AGPS: variants seen among roughly 807,000 people sequenced by gnomAD.
The protein encoded by AGPS is alkylglycerone phosphate synthase.
A neutral mutation model predicts 90.7 loss-of-function variants in AGPS; 26 were observed. The ratio of observed to expected loss-of-function variants is 0.29; its 90% CI spans 0.21 to 0.40. AGPS has a LOEUF of 0.40. Ranked by LOEUF, AGPS falls within the 10% of genes least tolerant of loss-of-function variation. The probability of loss-of-function intolerance (pLI) is 1.00; values close to 1 mark genes in which losing one functional copy is unlikely to be tolerated. For synonymous variants in AGPS, 294 were observed against 285.3 expected (o/e 1.03, Z -0.31); for missense variants, 540 against 816.1 (o/e 0.66, Z 4.12).
intron 19 of AGPS, among the ~76,000 whole-genome samples, chr2:177,535,021 C>T (rs1206244217): frequency 6.6e-6 from 1 of 152,078 alleles, no homozygotes; most frequent in Non-Finnish European, 1.5e-5. Flanking sequence ...ATGCAAGGTA[C>T]TTATCTTGTT....
intron 10 of AGPS, among the ~76,000 whole-genome samples, chr2:177,474,242 A>G (rs1687711619): frequency 6.6e-6 from 1 of 152,178 alleles, no homozygotes; most frequent in Admixed American, 6.5e-5. Context: ...AGGCAACACT[A>G]TTGCTACATA....
intron 19 of AGPS, among the ~76,000 whole-genome samples, chr2:177,524,290 T>C (rs1241938764): frequency 6.6e-6 from 1 of 152,222 alleles, no homozygotes; most frequent in Non-Finnish European, 1.5e-5. Flanking sequence ...AATGCTGTTT[T>C]GTTATTACTT....
In AGPS at chr2:177,526,905, T is replaced by C. The variant is rs560660513; in HGVS notation, c.1855+3100T>C. 6.7e-4 allele frequency among the ~76,000 whole-genome samples: 102 copies of C among 152,342 alleles called. 2 individuals are homozygous for C. The South Asian group carries it at 0.02, about 30-fold the overall frequency. On this transcript the variant is annotated intron_variant, in intron 19 of 19. Coordinates refer to ENST00000264167, the MANE Select transcript of AGPS (RefSeq NM_003659.4). ...TTTAATTCTGCTTAATGCAGTGGAA[T>C]AGATATTATTCCTGTCTTTCACATG...
At chr2:177,459,817 A>G (rs1028437485) in intron 8 of AGPS, among the ~76,000 whole-genome samples, 3 of 152,240 alleles carry the variant, frequency 2.0e-5, no homozygotes, top group Non-Finnish European at 2.9e-5. Flanking sequence ...ATTACTGGGT[A>G]TATACCCAAA....
At chr2:177,471,502 A>C (rs1406604394) in intron 10 of AGPS, among the ~76,000 whole-genome samples, 1 of 152,190 alleles carries the variant, frequency 6.6e-6, no homozygotes, top group Non-Finnish European at 1.5e-5. Context: ...AGCATTTGAA[A>C]TGCTTTCCAT....
chr2:177,457,924 C>T (rs57527255), intron 8 of AGPS, among the ~76,000 whole-genome samples: 15,954 of 152,176 alleles, frequency 0.1, 1,177 homozygotes, highest in East Asian at 0.34. Context: ...AACATCGATG[C>T]GAAAATCCTT....
At chr2:177,397,018 A>G (rs1441127652) in intron 1 of AGPS, among the ~76,000 whole-genome samples, 2 of 146,586 alleles carry the variant, frequency 1.4e-5, no homozygotes, top group Non-Finnish European at 3.0e-5. Context: ...AGCTCACTGC[A>G]ACTTCCTGCC....
chr2:177,475,895 A>G (rs113271028), intron 10 of AGPS, among the ~76,000 whole-genome samples: 1 of 152,088 alleles, frequency 6.6e-6, no homozygotes, highest in African/African-American at 2.4e-5. Context: ...TGGCTGCACC[A>G]TTTTACATTC....
At chr2:177,501,462 G>C (rs1220715248) in intron 14 of AGPS, among the ~76,000 whole-genome samples, 2 of 151,820 alleles carry the variant, frequency 1.3e-5, no homozygotes. Flanking sequence ...TCTTTTTCTT[G>C]TGCATCACTG....
chr2:177,499,814 C>A, intron 14 of AGPS, 84 bp downstream of exon 14: 1 of 880,250 alleles, frequency 1.1e-6, no homozygotes, highest in Non-Finnish European at 1.9e-6. Context: ...AAGTACTAGG[C>A]ATTAATGTCT....
intron 8 of AGPS, among the ~76,000 whole-genome samples, chr2:177,455,978 A>G (rs1259794665): frequency 6.6e-6 from 1 of 152,182 alleles, no homozygotes. Context: ...AAATAAACAC[A>G]GTTATTTTTA....
At position 177,514,752 on chromosome 2, in the gene AGPS, C is replaced by A. The variant is rs115227384; in HGVS notation, c.1697+844C>A. Among the ~76,000 whole-genome samples the A allele has an allele frequency of 5.2e-3, 794 of 152,036 alleles. 8 individuals carry two copies. The highest frequency in any genetic ancestry group is 0.018 in the African/African-American group (746 of 41,456). ...TTATTGTTCCCATTGGGAAGAGATA[C>A]CCTTTAGAATTTGCTAAATTGCACT... On this transcript the variant is annotated intron_variant, in intron 17 of 19. Coordinates refer to ENST00000264167, the MANE Select transcript of AGPS (RefSeq NM_003659.4).
At chr2:177,475,604 A>T (rs1260634184) in intron 10 of AGPS, among the ~76,000 whole-genome samples, 1 of 152,174 alleles carries the variant, frequency 6.6e-6, no homozygotes, top group Non-Finnish European at 1.5e-5. Context: ...ACCACATTTT[A>T]AAGATTCAAC....
intron 2 of AGPS, 124 bp from the exon 3 acceptor site, chr2:177,434,203 T>C: frequency 1.4e-6 from 1 of 701,032 alleles, no homozygotes; most frequent in South Asian, 1.8e-5. Context: ...GTTCAGAGTT[T>C]ATAGTTACAT....
chr2:177,448,542 A>G lies in AGPS; in HGVS notation c.870+2916A>G, dbSNP rs528127673. On this transcript the variant is annotated intron_variant, in intron 8 of 19. Coordinates refer to ENST00000264167, the MANE Select transcript of AGPS (RefSeq NM_003659.4). ...TGAATTTTTAGAGGAAAAATTTGCA[A>G]TCTTGTCTCCAAAATGTGTCTGTTC... 9.2e-5 allele frequency among the ~76,000 whole-genome samples: 14 copies of G among 152,270 alleles called. No individual in the cohort carries two copies. In the South Asian group the frequency reaches 2.3e-3, roughly 25 times the overall value.
chr2:177,505,062 T>G (rs1688670146), intron 14 of AGPS, among the ~76,000 whole-genome samples: 1 of 152,050 alleles, frequency 6.6e-6, no homozygotes, highest in South Asian at 2.1e-4. Flanking sequence ...GTCTCTCATT[T>G]AAATCATAAA....
At chr2:177,490,471 T>G (rs949749461) in intron 11 of AGPS, among the ~76,000 whole-genome samples, 4 of 152,184 alleles carry the variant, frequency 2.6e-5, no homozygotes, top group African/African-American at 9.6e-5. Flanking sequence ...TTAAAATAAT[T>G]TAATATCTAA....
intron 8 of AGPS, among the ~76,000 whole-genome samples, chr2:177,460,332 GTAAGAGGTACC>G (rs747667281): frequency 1.6e-4 from 24 of 152,020 alleles, no homozygotes; most frequent in Non-Finnish European, 3.2e-4. Context: ...AAAAATGCAA[GTAAGAGGTACC>G]ATTTGGGGAA....
At chr2:177,404,758 A>C (rs1685420828) in intron 1 of AGPS, among the ~76,000 whole-genome samples, 1 of 152,118 alleles carries the variant, frequency 6.6e-6, no homozygotes, top group Non-Finnish European at 1.5e-5. Flanking sequence ...TGCCTTCACA[A>C]ATTATTTCTG....
Sources: gnomAD v4.1 joint callset for allele counts (sites outside exome capture counted in the v4.1 genomes callset) on GRCh38, gnomAD v4.1.1 for gene constraint, MANE v1.5 for transcripts, NCBI Gene and HGNC (gene_info 2026-07-23, HGNC 2026-07-21) for gene names.